Variants in PAK2 observed in about 807,000 individuals in gnomAD.
PAK2 encodes serine/threonine-protein kinase PAK 2.
A neutral mutation model predicts 65.9 loss-of-function variants in PAK2; 21 were observed. The observed-to-expected ratio is 0.32, with a 90% confidence interval of 0.23 to 0.46. The LOEUF (loss-of-function observed/expected upper bound fraction) is 0.46. Ranked by LOEUF, PAK2 falls within the 20% of genes least tolerant of loss-of-function variation. The probability of loss-of-function intolerance (pLI) is 1.00; values close to 1 mark genes in which losing one functional copy is unlikely to be tolerated. For synonymous variants in PAK2, 204 were observed against 219.7 expected, an observed-to-expected ratio of 0.93 and a Z score of 0.63; for missense variants, 324 against 642.6, an observed-to-expected ratio of 0.50 and a Z score of 5.36.
chr3:196,753,232 C>T (rs981197805), intron 1 of PAK2, among the ~76,000 whole-genome samples: 4 of 152,116 alleles, frequency 2.6e-5, no homozygotes, highest in Non-Finnish European at 5.9e-5. Context: ...GCTGGGATTG[C>T]AGGTGTGAGC....
intron 7 of PAK2, 103 bp downstream of exon 7, chr3:196,808,017 T>C (rs531827336): frequency 8.9e-7 from 1 of 1,125,846 alleles, no homozygotes; most frequent in African/African-American, 1.6e-5. Flanking sequence ...ACTTAAAGTA[T>C]AAAGAATAAA....
chr3:196,800,890 T>C (rs1715404715), intron 2 of PAK2, among the ~76,000 whole-genome samples: 1 of 148,810 alleles, frequency 6.7e-6, no homozygotes, highest in Admixed American at 6.7e-5. Flanking sequence ...AGGGCAGGAG[T>C]GAAGGGATGT....
chr3:196,767,178 C>A (rs1714197109), intron 1 of PAK2, among the ~76,000 whole-genome samples: 1 of 152,080 alleles, frequency 6.6e-6, no homozygotes, highest in African/African-American at 2.4e-5. Flanking sequence ...CTATTTATGG[C>A]TGTTTGAGTT....
At position 196,806,601 on chromosome 3, in the gene PAK2, C is replaced by T; in HGVS notation, c.491C>T (p.Ala164Val). ...CAGCTGAATGCCAAGGGAACAGAAG[C>T]ACCCGCAGTAGTGACAGAGGAGGAG... ...TPALNAKGTE[A>V]PAVVTEEEDD... Residue 164 changes from alanine (A) to valine (V), a missense_variant, in exon 6 of 15, where the codon GCA (alanine) becomes GTA (valine). By Grantham distance (64) the Ala-to-Val change is moderately conservative (BLOSUM62 0). Coordinates refer to ENST00000327134, the MANE Select transcript of PAK2 (RefSeq NM_002577.4). The T allele has an allele frequency of 6.2e-7, 1 of 1,611,924 alleles. No homozygotes were observed. Among genetic ancestry groups the T allele is most frequent in the Non-Finnish European group, 8.5e-7 (1 of 1,178,082 alleles).
intron 2 of PAK2, among the ~76,000 whole-genome samples, chr3:196,786,454 C>G (rs1422234407): frequency 6.6e-6 from 1 of 152,126 alleles, no homozygotes; most frequent in African/African-American, 2.4e-5. Context: ...AGCCACCGTG[C>G]CTGTCTTCAA....
intron 1 of PAK2, among the ~76,000 whole-genome samples, chr3:196,742,851 C>T (rs1485863221): frequency 1.3e-5 from 2 of 152,256 alleles, no homozygotes; most frequent in Admixed American, 6.5e-5. Context: ...ACCCGGGAGG[C>T]GGAGCTTGCA....
chr3:196,770,033 A>G (rs1714313387), intron 1 of PAK2, among the ~76,000 whole-genome samples: 1 of 152,008 alleles, frequency 6.6e-6, no homozygotes, highest in African/African-American at 2.4e-5. Flanking sequence ...CAGTGGGAGG[A>G]TAGCTTGAGC....
intron 1 of PAK2, among the ~76,000 whole-genome samples, chr3:196,768,266 C>T (rs1056421664): frequency 2.0e-5 from 3 of 151,860 alleles, no homozygotes; most frequent in Non-Finnish European, 4.4e-5. Context: ...ATTTTTTACT[C>T]TCTTTGTTTT....
chr3:196,752,501 C>T (rs957993814), intron 1 of PAK2, among the ~76,000 whole-genome samples: 2 of 152,140 alleles, frequency 1.3e-5, no homozygotes, highest in African/African-American at 2.4e-5. Flanking sequence ...CTTTCACCTC[C>T]GTGGTGAGCT....
At chr3:196,765,637 A>G (rs1033466871) in intron 1 of PAK2, among the ~76,000 whole-genome samples, 14 of 152,158 alleles carry the variant, frequency 9.2e-5, no homozygotes, top group Non-Finnish European at 4.4e-5. Flanking sequence ...GAGGTTGGAC[A>G]TATTCTTATG....
Position 196,819,451 on chromosome 3 carries a change from A to T in PAK2, c.1154-920A>T, listed in dbSNP as rs558460784. Reference sequence around the variant, plus strand: ...GTGAAACCCTGTGACAAAAAATTTTAAAATAAAAAATTTTTTAAATAGGCA... The same window carrying T: ...GTGAAACCCTGTGACAAAAAATTTTTAAATAAAAAATTTTTTAAATAGGCA... On this transcript the variant is annotated intron_variant, in intron 12 of 14. Coordinates refer to ENST00000327134, the MANE Select transcript of PAK2 (RefSeq NM_002577.4). Among the ~76,000 whole-genome samples, 6 of 152,312 alleles carry T rather than the reference A, an allele frequency of 3.9e-5. No individual in the cohort carries two copies. The East Asian group carries it at 9.6e-4, about 24-fold the overall frequency.
chr3:196,800,609 TAATC>T lies in PAK2; in HGVS notation c.188-1315_188-1312del, dbSNP rs368410087. Among the ~76,000 whole-genome samples the T allele has an allele frequency of 4.3e-4, 65 of 152,174 alleles. 1 individual carries two copies. Among genetic ancestry groups the T allele is most frequent in the African/African-American group, 1.6e-3 (65 of 41,504 alleles). ...TGCGTATTACAAAATGGCAATAAAA[TAATC>T]AAGGCAGTCTGATAGTGGCATAAAG... On this transcript the variant is annotated intron_variant, in intron 2 of 14. Transcript: ENST00000327134.
chr3:196,802,981 T>G, intron 3 of PAK2, 36 bp from the exon 4 acceptor site: 1 of 1,451,440 alleles, frequency 6.9e-7, no homozygotes, highest in Non-Finnish European at 9.2e-7. Flanking sequence ...TGCATCAATT[T>G]AAACCATAAC....
At chr3:196,814,878 C>T (rs558066541) in intron 11 of PAK2, among the ~76,000 whole-genome samples, 1 of 152,200 alleles carries the variant, frequency 6.6e-6, no homozygotes, top group East Asian at 1.9e-4. Flanking sequence ...GGGTATATAT[C>T]ATTAGAAATA....
intron 1 of PAK2, among the ~76,000 whole-genome samples, chr3:196,747,808 A>G (rs566246484): frequency 2.0e-4 from 30 of 152,178 alleles, no homozygotes; most frequent in Non-Finnish European, 3.7e-4. Context: ...TTATTAATGT[A>G]AAAATCTTCC....
In PAK2 at chr3:196,806,653, C is replaced by T. The variant is rs73891516; in HGVS notation, c.543C>T (p.Pro181=). ...EEDDDEETAP[P]VIAPRPDHTK... is the part of the protein sequence containing the mutation. ...ATGATGATGAAGAGACTGCTCCTCC[C>T]GTTATTGCCCCGCGACCGGATCATA... Residue 181 remains proline, a synonymous_variant, in exon 6 of 15, where the codon CCC becomes CCT. Transcript: ENST00000327134. The T allele has an allele frequency of 3.2e-4, 522 of 1,611,082 alleles. 2 individuals are homozygous for T. In the African/African-American group the frequency reaches 6.4e-3, roughly 20 times the overall value.
intron 3 of PAK2, 47 bp from the exon 4 acceptor site, chr3:196,802,970 T>G (rs755457188): frequency 5.5e-6 from 7 of 1,280,358 alleles, no homozygotes; most frequent in Non-Finnish European, 6.4e-6. Flanking sequence ...ATTAATTTTA[T>G]TGCATCAATT....
chr3:196,785,224 A>G (rs943551550), intron 2 of PAK2: 2 of 152,212 alleles, frequency 1.3e-5, no homozygotes, highest in Non-Finnish European at 2.9e-5. Context: ...TGTTGTGCAC[A>G]CAGTGAAAAC....
intron 13 of PAK2, among the ~76,000 whole-genome samples, chr3:196,824,321 C>T (rs1042494101): frequency 3.3e-5 from 5 of 152,176 alleles, no homozygotes; most frequent in Non-Finnish European, 5.9e-5. Flanking sequence ...CAGAAATAGC[C>T]AGGACCCAGC....
Sources: allele counts gnomAD v4.1 joint callset (sites outside exome capture counted in the v4.1 genomes callset), GRCh38; gene constraint gnomAD v4.1.1; transcripts MANE v1.5; gene names NCBI Gene and HGNC (gene_info 2026-07-23, HGNC 2026-07-21).